NRF1: variants seen among roughly 807,000 people sequenced by gnomAD.
NRF1 encodes nuclear respiratory factor 1.
A neutral mutation model predicts 58.5 loss-of-function variants in NRF1; 5 were observed. The ratio of observed to expected loss-of-function variants is 0.09; its 90% CI spans 0.04 to 0.18. NRF1 has a LOEUF of 0.18. Ranked by LOEUF, NRF1 falls within the 10% of genes least tolerant of loss-of-function variation. The pLI, the probability that NRF1 is intolerant of heterozygous loss-of-function variation, is 1.00. For synonymous variants in NRF1, 224 were observed against 246.7 expected, an observed-to-expected ratio of 0.91 and a Z score of 0.86; for missense variants, 288 against 657.7, an observed-to-expected ratio of 0.44 and a Z score of 6.15.
intron 4 of NRF1, among the ~76,000 whole-genome samples, chr7:129,679,217 T>A (rs939350271): frequency 1.3e-5 from 2 of 152,208 alleles, no homozygotes; most frequent in African/African-American, 4.8e-5. Flanking sequence ...ATAGATGTTC[T>A]TTCAGGTTGG....
In NRF1 at chr7:129,751,271, C is replaced by T. The variant is rs149902316; in HGVS notation, c.1349-3747C>T. 3.1e-3 allele frequency among the ~76,000 whole-genome samples: 476 copies of T among 152,264 alleles called. 2 individuals carry two copies. The highest frequency in any genetic ancestry group is 3.9e-3 in the African/African-American group (161 of 41,536). ...GGCTTAACTGAACAACAGTGGCCGA[C>T]GTGAAGAGTTTAAATACCTGCAAAG... On this transcript the variant is annotated intron_variant, in intron 10 of 10. Coordinates refer to ENST00000393232, the MANE Select transcript of NRF1 (RefSeq NM_005011.5).
chr7:129,751,180 G>T (rs1305277496), intron 10 of NRF1, among the ~76,000 whole-genome samples: 1 of 152,220 alleles, frequency 6.6e-6, no homozygotes, highest in Admixed American at 6.5e-5. Flanking sequence ...GTGTGTGCTT[G>T]GAGAACCTCA....
At chr7:129,686,246 T>C (rs1207087156) in intron 4 of NRF1, among the ~76,000 whole-genome samples, 1 of 152,114 alleles carries the variant, frequency 6.6e-6, no homozygotes, top group Non-Finnish European at 1.5e-5. Flanking sequence ...GGTTGTATGC[T>C]GGGAGCTCAA....
At chr7:129,696,478 A>G (rs776072576) in intron 5 of NRF1, among the ~76,000 whole-genome samples, 1 of 152,176 alleles carries the variant, frequency 6.6e-6, no homozygotes, top group South Asian at 2.1e-4. Context: ...AAAAATTCTT[A>G]TTTTATAGTC....
At chr7:129,735,780 A>T (rs542816837) in intron 10 of NRF1, among the ~76,000 whole-genome samples, 1 of 152,200 alleles carries the variant, frequency 6.6e-6, no homozygotes, top group African/African-American at 2.4e-5. Flanking sequence ...AGGCCGAGGC[A>T]GATGGATCAC....
chr7:129,672,198 A>ATTT (rs1379888582), intron 3 of NRF1, among the ~76,000 whole-genome samples: 1 of 106,940 alleles, frequency 9.4e-6, no homozygotes, highest in Non-Finnish European at 1.8e-5. Flanking sequence ...ACGCCAGGAG[A>ATTT]TCTTTTTTTT....
intron 1 of NRF1, among the ~76,000 whole-genome samples, chr7:129,638,226 T>A (rs941013063): frequency 2.0e-5 from 3 of 152,176 alleles, no homozygotes; most frequent in Non-Finnish European, 4.4e-5. Flanking sequence ...AAGCTACAGA[T>A]ACAGATTGCC....
chr7:129,689,039 T>G (rs1212210034), intron 4 of NRF1, among the ~76,000 whole-genome samples: 1 of 152,200 alleles, frequency 6.6e-6, no homozygotes, highest in East Asian at 1.9e-4. Flanking sequence ...GCTGCTTATG[T>G]TGCAATAAAT....
intron 9 of NRF1, among the ~76,000 whole-genome samples, chr7:129,720,972 TTGTGTGTGTA>T (rs1473421313): frequency 4.6e-5 from 7 of 151,862 alleles, no homozygotes; most frequent in Non-Finnish European, 1.0e-4. Flanking sequence ...TTAAAAAAAT[TTGTGTGTGTA>T]TGTGTGTGTA....
intron 1 of NRF1, among the ~76,000 whole-genome samples, chr7:129,650,813 C>T (rs1038785428): frequency 6.6e-6 from 1 of 151,924 alleles, no homozygotes; most frequent in African/African-American, 2.4e-5. Context: ...TGGTGATAGA[C>T]TGTGCTGTTT....
At chr7:129,622,630 C>A (rs1263340209) in intron 1 of NRF1, among the ~76,000 whole-genome samples, 2 of 148,352 alleles carry the variant, frequency 1.3e-5, no homozygotes, top group Non-Finnish European at 1.5e-5. Context: ...AGTGCAGTGG[C>A]ACAATCTTGG....
chr7:129,734,541 G>A (rs117590220), intron 10 of NRF1, among the ~76,000 whole-genome samples: 1 of 152,320 alleles, frequency 6.6e-6, no homozygotes, highest in East Asian at 1.9e-4. Flanking sequence ...GCTGTTCCGA[G>A]GGCTGTAGGG....
intron 2 of NRF1, among the ~76,000 whole-genome samples, chr7:129,664,309 A>G (rs1166874284): frequency 1.3e-5 from 2 of 152,224 alleles, no homozygotes; most frequent in Non-Finnish European, 2.9e-5. Flanking sequence ...AAGACTTCAT[A>G]TAAACCATGC....
intron 5 of NRF1, among the ~76,000 whole-genome samples, chr7:129,698,192 T>G (rs1802743408): frequency 6.6e-6 from 1 of 152,098 alleles, no homozygotes; most frequent in African/African-American, 2.4e-5. Context: ...TTTGTCTTTT[T>G]TGTTTTGTTG....
intron 1 of NRF1, among the ~76,000 whole-genome samples, chr7:129,644,844 A>T (rs1801369431): frequency 6.6e-6 from 1 of 152,198 alleles, no homozygotes; most frequent in Non-Finnish European, 1.5e-5. Context: ...AGTAATACAT[A>T]GTCTATTTAT....
chr7:129,697,076 C>T (rs2151096356), intron 5 of NRF1, among the ~76,000 whole-genome samples: 1 of 152,258 alleles, frequency 6.6e-6, no homozygotes, highest in African/African-American at 2.4e-5. Context: ...TATGTATTGC[C>T]TATATTCATT....
chr7:129,626,843 T>C (rs749810216), intron 1 of NRF1, among the ~76,000 whole-genome samples: 1 of 152,246 alleles, frequency 6.6e-6, no homozygotes, highest in Non-Finnish European at 1.5e-5. Context: ...CTTTTGATGC[T>C]TCTGTCAAGT....
intron 10 of NRF1, among the ~76,000 whole-genome samples, chr7:129,746,843 GCTCT>G (rs768418293): frequency 1.3e-5 from 2 of 152,100 alleles, no homozygotes; most frequent in African/African-American, 2.4e-5. Flanking sequence ...TATTTGTTTA[GCTCT>G]CTCTTTTTCT....
chr7:129,737,543 CAT>C (rs1319188874), intron 10 of NRF1, among the ~76,000 whole-genome samples: 1 of 152,114 alleles, frequency 6.6e-6, no homozygotes, highest in Non-Finnish European at 1.5e-5. Flanking sequence ...CAATCCTCCA[CAT>C]GTTAGACTGT....
Sources: gnomAD v4.1 joint callset for allele counts (sites outside exome capture counted in the v4.1 genomes callset) on GRCh38, gnomAD v4.1.1 for gene constraint, MANE v1.5 for transcripts, NCBI Gene and HGNC (gene_info 2026-07-23, HGNC 2026-07-21) for gene names.